ATP8A2: variants seen among roughly 807,000 people sequenced by gnomAD.
ATP8A2 encodes ATPase phospholipid transporting 8A2.
Under a neutral mutation model 165.6 loss-of-function variants are expected in ATP8A2, and 100 were observed. The observed-to-expected ratio is 0.60, with a 90% CI of 0.51 to 0.71. The LOEUF (loss-of-function observed/expected upper bound fraction) is 0.71. ATP8A2 is among the 30% of genes least tolerant of loss of function. ATP8A2 has a pLI of 0.00. For missense variants in ATP8A2, 1,227 were observed against 1,479.5 expected, an observed-to-expected ratio of 0.83 and a Z score of 2.80; for synonymous variants, 543 against 548.8, an observed-to-expected ratio of 0.99 and a Z score of 0.15.
intron 27 of ATP8A2, among the ~76,000 whole-genome samples, chr13:25,813,458 GATATA>G (rs1453731467): frequency 4.3e-5 from 5 of 116,976 alleles, no homozygotes; most frequent in African/African-American, 1.0e-4. Context: ...ATGATGATGT[GATATA>G]ATATGGTGAT....
chr13:25,463,842 A>G (rs1414276332), intron 1 of ATP8A2, among the ~76,000 whole-genome samples: 1 of 151,692 alleles, frequency 6.6e-6, no homozygotes, highest in Non-Finnish European at 1.5e-5. Context: ...CTCCCCTTCC[A>G]CCCCCTCATG....
At chr13:25,797,912 G>A (rs1950530151) in intron 27 of ATP8A2, among the ~76,000 whole-genome samples, 1 of 152,176 alleles carries the variant, frequency 6.6e-6, no homozygotes, top group Non-Finnish European at 1.5e-5. Flanking sequence ...CGTTTGGACT[G>A]TGAATAATTA....
chr13:25,986,511 C>A (rs1956282753), intron 35 of ATP8A2, among the ~76,000 whole-genome samples: 1 of 152,182 alleles, frequency 6.6e-6, no homozygotes, highest in Non-Finnish European at 1.5e-5. Flanking sequence ...CTTCCAGGTT[C>A]GTCCATGTTG....
chr13:25,584,022 G>C (rs1239132222), intron 23 of ATP8A2, among the ~76,000 whole-genome samples: 1 of 152,120 alleles, frequency 6.6e-6, no homozygotes, highest in Non-Finnish European at 1.5e-5. Context: ...TTTATCTAGT[G>C]TATCAGTCAG....
chr13:25,420,191 T>C (rs2034259404), intron 1 of ATP8A2, among the ~76,000 whole-genome samples: 1 of 152,244 alleles, frequency 6.6e-6, no homozygotes, highest in Non-Finnish European at 1.5e-5. Context: ...TCCTTGTCCT[T>C]TCAGGCTTCT....
chr13:25,801,763 G>T (rs569454548), intron 27 of ATP8A2, among the ~76,000 whole-genome samples: 1 of 152,140 alleles, frequency 6.6e-6, no homozygotes, highest in Non-Finnish European at 1.5e-5. Flanking sequence ...GCCTGAGACT[G>T]GGTAACTTAC....
At chr13:25,655,410 C>A (rs529974048) in intron 24 of ATP8A2, among the ~76,000 whole-genome samples, 147 of 152,306 alleles carry the variant, frequency 9.7e-4, no homozygotes, top group Admixed American at 4.1e-3. Context: ...CCACCCACCT[C>A]GGCCTCCCAA....
chr13:25,873,206 T>G (rs1439815967), intron 33 of ATP8A2, among the ~76,000 whole-genome samples: 3 of 152,216 alleles, frequency 2.0e-5, no homozygotes, highest in African/African-American at 7.2e-5. Flanking sequence ...GAAAGGGTTT[T>G]GGCTCTTAGG....
At chr13:25,458,142 GA>G (rs1194466511) in intron 1 of ATP8A2, among the ~76,000 whole-genome samples, 1 of 152,168 alleles carries the variant, frequency 6.6e-6, no homozygotes, top group African/African-American at 2.4e-5. Flanking sequence ...AGATTAGAAG[GA>G]ATGTCAAGAG....
intron 33 of ATP8A2, among the ~76,000 whole-genome samples, chr13:25,920,837 G>C (rs527292900): frequency 2.0e-5 from 3 of 152,236 alleles, no homozygotes; most frequent in Non-Finnish European, 4.4e-5. Flanking sequence ...CAGCACTTGG[G>C]AGGCCGAGGT....
chr13:25,956,574 G>A (rs1046271451), intron 33 of ATP8A2, among the ~76,000 whole-genome samples: 1 of 152,086 alleles, frequency 6.6e-6, no homozygotes, highest in Non-Finnish European at 1.5e-5. Context: ...GGACGTGAAG[G>A]ACCTCTTCAA....
At chr13:25,837,061 T>G in intron 28 of ATP8A2, 102 bp from the exon 29 acceptor site, 2 of 1,452,082 alleles carry the variant, frequency 1.4e-6, no homozygotes, top group Non-Finnish European at 1.9e-6. Flanking sequence ...GAGTCTCAGG[T>G]TTGGACTTGA....
intron 28 of ATP8A2, among the ~76,000 whole-genome samples, chr13:25,830,589 A>G (rs1951436185): frequency 6.6e-6 from 1 of 152,158 alleles, no homozygotes; most frequent in Admixed American, 6.5e-5. Context: ...GAACATGGAG[A>G]TTTGCCCCCA....
intron 22 of ATP8A2, among the ~76,000 whole-genome samples, chr13:25,581,102 T>C (rs2039763586): frequency 6.6e-6 from 1 of 152,196 alleles, no homozygotes; most frequent in South Asian, 2.1e-4. Flanking sequence ...GATGTGCCTG[T>C]GGTGGATGCT....
chr13:25,461,073 T>A (rs1028976482), intron 1 of ATP8A2, among the ~76,000 whole-genome samples: 1 of 152,246 alleles, frequency 6.6e-6, no homozygotes, highest in Non-Finnish European at 1.5e-5. Flanking sequence ...GGCCTGTTAC[T>A]TCTCTTTTCA....
chr13:25,794,591 G>A (rs1044489805), intron 27 of ATP8A2, among the ~76,000 whole-genome samples: 2 of 151,892 alleles, frequency 1.3e-5, no homozygotes, highest in Non-Finnish European at 2.9e-5. Flanking sequence ...AGAAATACTC[G>A]GTGTCTTGAT....
At chr13:25,454,458 G>A (rs1405716545) in intron 1 of ATP8A2, among the ~76,000 whole-genome samples, 1 of 151,744 alleles carries the variant, frequency 6.6e-6, no homozygotes, top group Non-Finnish European at 1.5e-5. Context: ...TGGGGAGGGG[G>A]TGGGATTGGG....
Position 25,462,967 on chromosome 13 carries a change from G to A in ATP8A2, c.77-6010G>A, listed in dbSNP as rs116170264. Among the ~76,000 whole-genome samples the A allele has an allele frequency of 5.0e-3, 761 of 152,272 alleles. 7 individuals are homozygous for A. The highest frequency in any genetic ancestry group is 0.018 in the African/African-American group (732 of 41,532). On this transcript the variant is annotated intron_variant, in intron 1 of 36. Transcript: ENST00000381655. ...TCCACCTTGACTTTTCATTCTGTGC[G>A]TAAGGAGCACAGTTACAGACTGACT...
intron 25 of ATP8A2, among the ~76,000 whole-genome samples, chr13:25,761,459 A>G (rs2044376918): frequency 6.6e-6 from 1 of 152,134 alleles, no homozygotes; most frequent in African/African-American, 2.4e-5. Flanking sequence ...TTCTAGGCTT[A>G]AATCATTGCA....
Sources: gnomAD v4.1 joint callset for allele counts (sites outside exome capture counted in the v4.1 genomes callset) on GRCh38, gnomAD v4.1.1 for gene constraint, MANE v1.5 for transcripts, NCBI Gene and HGNC (gene_info 2026-07-23, HGNC 2026-07-21) for gene names.